The following GSE1 variants were observed in gnomAD, a reference collection of about 807,000 sequenced individuals.
GSE1 encodes genetic suppressor element 1.
GSE1 carries 32 observed loss-of-function variants against 112.6 expected under a neutral mutation model. The ratio of observed to expected loss-of-function variants is 0.28; its 90% CI spans 0.21 to 0.38. The LOEUF is 0.38. Among genes scored for constraint, GSE1 ranks in the 10% least tolerant of loss-of-function variants. The pLI is 1.00. For missense variants in GSE1, 2,348 were observed against 1,699.2 expected, an observed-to-expected ratio of 1.38 and a Z score of -6.71; for synonymous variants, 1,115 against 735.6, an observed-to-expected ratio of 1.52 and a Z score of -8.35.
At chr16:85,238,149 G>A (rs1904852982) in intron 1 of GSE1, among the ~76,000 whole-genome samples, 2 of 152,122 alleles carry the variant, frequency 1.3e-5, no homozygotes, top group African/African-American at 4.8e-5. Flanking sequence ...GGGGGTGGGT[G>A]GGTGCAGGAA....
At chr16:85,397,654 C>A (rs562573274) in intron 2 of GSE1, among the ~76,000 whole-genome samples, 1 of 152,340 alleles carries the variant, frequency 6.6e-6, no homozygotes, top group Admixed American at 6.5e-5. Flanking sequence ...CACCAGGGTG[C>A]GGGAGGCACC....
intron 2 of GSE1, among the ~76,000 whole-genome samples, chr16:85,403,688 G>T (rs1597617315): frequency 6.6e-6 from 1 of 152,150 alleles, no homozygotes; most frequent in Non-Finnish European, 1.5e-5. Flanking sequence ...TGTGGTCCCA[G>T]CTATGTGGGA....
In GSE1 at chr16:85,264,400, G is replaced by T. The variant is rs570642671; in HGVS notation, c.2283+92593G>T. On this transcript the variant is annotated intron_variant, in intron 1 of 2. Coordinates refer to the GSE1 transcript ENST00000637419. ...CTGGCCTCACGCTGGGCAGGCTGTT[G>T]TGGGGGTTCCACGCCTCAACTCCGG... Among the ~76,000 whole-genome samples the T allele has an allele frequency of 6.2e-4, 95 of 152,240 alleles. 1 individual carries two copies. The highest frequency in any genetic ancestry group is 2.3e-3 in the African/African-American group (94 of 41,540).
chr16:85,460,625 A>G (rs967547211), intron 2 of GSE1, among the ~76,000 whole-genome samples: 6 of 152,238 alleles, frequency 3.9e-5, no homozygotes, highest in Non-Finnish European at 8.8e-5. Flanking sequence ...CAAGCTGGGC[A>G]AGAGCCGGCA....
At chr16:85,259,122 T>C (rs1400826393) in intron 1 of GSE1, among the ~76,000 whole-genome samples, 2 of 151,732 alleles carry the variant, frequency 1.3e-5, no homozygotes, top group Non-Finnish European at 1.5e-5. Flanking sequence ...AGGAGGAGGG[T>C]TCTGCAGGGG....
chr16:85,409,668 TCAGGGCCCCCC>T (rs2048442966), intron 2 of GSE1, among the ~76,000 whole-genome samples: 1 of 6,086 alleles, frequency 1.6e-4, no homozygotes, highest in African/African-American at 2.1e-4. Context: ...ACCGTTACAC[TCAGGGCCCCCC>T]GGATAATCCT....
At chr16:85,194,614 T>G (rs1267828319) in intron 1 of GSE1, among the ~76,000 whole-genome samples, 1 of 152,070 alleles carries the variant, frequency 6.6e-6, no homozygotes, top group Non-Finnish European at 1.5e-5. Flanking sequence ...GTGTTGGGAT[T>G]TTTTTTCCCC....
At chr16:85,191,744 T>G (rs2074826928) in intron 1 of GSE1, among the ~76,000 whole-genome samples, 2 of 152,116 alleles carry the variant, frequency 1.3e-5, no homozygotes, top group Non-Finnish European at 2.9e-5. Flanking sequence ...ATCCCTCACC[T>G]CGAGAGTAAA....
chr16:85,213,561 G>A (rs927039893), intron 1 of GSE1, among the ~76,000 whole-genome samples: 11 of 152,218 alleles, frequency 7.2e-5, no homozygotes, highest in African/African-American at 2.7e-4. Flanking sequence ...TCCAACAGTG[G>A]CATTTCCGAG....
intron 1 of GSE1, among the ~76,000 whole-genome samples, chr16:85,318,023 A>G (rs1465984050): frequency 6.6e-6 from 1 of 152,226 alleles, no homozygotes; most frequent in Non-Finnish European, 1.5e-5. Context: ...ATCTGCAAAG[A>G]TCTGGCCACA....
chr16:85,264,102 G>T (rs1042751936), intron 1 of GSE1, among the ~76,000 whole-genome samples: 1 of 152,250 alleles, frequency 6.6e-6, no homozygotes, highest in East Asian at 1.9e-4. Flanking sequence ...GTGGTAGGGC[G>T]CCTTGCAAGG....
intron 1 of GSE1, among the ~76,000 whole-genome samples, chr16:85,313,244 G>A (rs1010844837): frequency 1.3e-5 from 2 of 152,170 alleles, no homozygotes; most frequent in Non-Finnish European, 1.5e-5. Flanking sequence ...TCAGGGCTCC[G>A]AGAGGCTCCT....
At chr16:85,570,249 G>A (rs2045928541) in intron 1 of GSE1, among the ~76,000 whole-genome samples, 1 of 152,174 alleles carries the variant, frequency 6.6e-6, no homozygotes, top group Admixed American at 6.5e-5. Context: ...CCTTGGTGCT[G>A]GAGGAGGTCC....
chr16:85,386,313 G>C (rs932765589), intron 2 of GSE1, among the ~76,000 whole-genome samples: 1 of 152,234 alleles, frequency 6.6e-6, no homozygotes, highest in Admixed American at 6.5e-5. Flanking sequence ...GTGGGGAGTT[G>C]GATGCTGCCT....
Position 85,413,916 on chromosome 16 carries a change from G to C in GSE1, c.2464+56273G>C, listed in dbSNP as rs577229905. On this transcript the variant is annotated intron_variant, in intron 2 of 2. Transcript: ENST00000637419. ...GTGAGATCTGATGGTTTTATAACAGGCCCTTCCCCCTTTGCTCAGCACTTC... is the reference window on the plus strand; with the variant it reads ...GTGAGATCTGATGGTTTTATAACAGCCCCTTCCCCCTTTGCTCAGCACTTC... 5.9e-5 allele frequency among the ~76,000 whole-genome samples: 9 copies of C among 152,274 alleles called. No individual in the cohort carries two copies. The South Asian group carries it at 1.5e-3, about 25-fold the overall frequency.
chr16:85,672,141 G>T (rs745885278), intron 15 of GSE1: 22 of 428,076 alleles, frequency 5.1e-5, no homozygotes, highest in African/African-American at 4.0e-4. Flanking sequence ...TAGGATTACA[G>T]GTATACGACA....
intron 1 of GSE1, among the ~76,000 whole-genome samples, chr16:85,195,063 C>G (rs938097414): frequency 6.6e-6 from 1 of 152,106 alleles, no homozygotes; most frequent in Non-Finnish European, 1.5e-5. Flanking sequence ...TGTTCAGACT[C>G]CACCATCCAA....
intron 2 of GSE1, among the ~76,000 whole-genome samples, chr16:85,447,414 C>G (rs934218994): frequency 6.6e-5 from 10 of 152,200 alleles, no homozygotes; most frequent in African/African-American, 2.4e-4. Context: ...GGCAGATGAC[C>G]TCTCTGGACT....
upstream of GSE1, among the ~76,000 whole-genome samples, chr16:85,554,184 T>C (rs2045079215): frequency 6.6e-6 from 1 of 152,148 alleles, no homozygotes; most frequent in South Asian, 2.1e-4. Flanking sequence ...CGTGGGTAAA[T>C]GGATCCTGTC....
Sources: allele counts gnomAD v4.1 joint callset (sites outside exome capture counted in the v4.1 genomes callset), GRCh38; gene constraint gnomAD v4.1.1; transcripts MANE v1.5; gene names NCBI Gene and HGNC (gene_info 2026-07-23, HGNC 2026-07-21).